Variants in PTPRK observed in about 807,000 individuals in gnomAD.
PTPRK encodes protein tyrosine phosphatase receptor type K.
A neutral mutation model predicts 178.0 loss-of-function variants in PTPRK; 75 were observed. The ratio of observed to expected loss-of-function variants is 0.42; its 90% confidence interval spans 0.35 to 0.51. The LOEUF (loss-of-function observed/expected upper bound fraction) is 0.51, where lower values mean the gene tolerates loss of function less well. Ranked by LOEUF, PTPRK falls within the 20% of genes least tolerant of loss-of-function variation. The probability of loss-of-function intolerance (pLI) is 0.02; values close to 1 mark genes in which losing one functional copy is unlikely to be tolerated. For synonymous variants in PTPRK, 637 were observed against 620.6 expected (o/e 1.03, Z -0.39); for missense variants, 1,441 against 1,797.8 (o/e 0.80, Z 3.59).
intron 13 of PTPRK, among the ~76,000 whole-genome samples, chr6:128,030,099 T>A (rs1775058164): frequency 6.6e-6 from 1 of 152,108 alleles, no homozygotes; most frequent in Non-Finnish European, 1.5e-5. Flanking sequence ...CTTTTTGTAT[T>A]CCCCATGTCA....
chr6:128,422,419 G>T (rs181811517), intron 1 of PTPRK, among the ~76,000 whole-genome samples: 1 of 152,206 alleles, frequency 6.6e-6, no homozygotes, highest in South Asian at 2.1e-4. Context: ...TATCATTGGG[G>T]TCTGTGTCAC....
At chr6:128,016,394 T>C (rs753287031) in intron 13 of PTPRK, among the ~76,000 whole-genome samples, 2 of 151,876 alleles carry the variant, frequency 1.3e-5, no homozygotes, top group Non-Finnish European at 2.9e-5. Flanking sequence ...GTGTCCCTTA[T>C]CTTCGGAAAG....
chr6:128,389,518 T>C (rs1266644042), intron 2 of PTPRK, among the ~76,000 whole-genome samples: 1 of 151,634 alleles, frequency 6.6e-6, no homozygotes, highest in Non-Finnish European at 1.5e-5. Flanking sequence ...CTACCTATCT[T>C]GAGTCAAGTT....
rs773979573 is a variant in PTPRK, at chr6:128,242,602, C to T, written c.496G>A (p.Val166Ile). 6.8e-6 allele frequency: 11 copies of T among 1,611,198 alleles called. No homozygotes were observed. Among genetic ancestry groups the T allele is most frequent in the Admixed American group, 5.0e-5 (3 of 59,750 alleles). Residue 166 changes from valine (V) to isoleucine (I), a missense_variant and splice_region_variant, in exon 4 of 30, where the codon GTA becomes ATA. Physicochemically the swap from Val to Ile is conservative, Grantham distance 29. Transcript: ENST00000368226. The part of the protein sequence containing the change: ...VSTFWPNEYQ[V>I]IFEAEVSGGR... ...CCTGAGACTTCAGCTTCAAATATTA[C>T]CTGTCAAAAAGAAACAGAAAATATT...
At chr6:128,476,455 T>C (rs773365504) in intron 1 of PTPRK, among the ~76,000 whole-genome samples, 102 of 152,172 alleles carry the variant, frequency 6.7e-4, no homozygotes, top group Admixed American at 3.9e-3. Flanking sequence ...ATGTTCAGAA[T>C]GTGTTGTGTG....
At chr6:128,000,910 C>A (rs1182519608) in intron 15 of PTPRK, among the ~76,000 whole-genome samples, 1 of 151,928 alleles carries the variant, frequency 6.6e-6, no homozygotes, top group Non-Finnish European at 1.5e-5. Flanking sequence ...CAGAATTCAC[C>A]CATATTCCAA....
At chr6:128,217,279 G>A (rs990632846) in intron 6 of PTPRK, among the ~76,000 whole-genome samples, 4 of 152,304 alleles carry the variant, frequency 2.6e-5, no homozygotes, top group East Asian at 3.9e-4. Context: ...AACTTGTGCA[G>A]GTGATATGAG....
intron 1 of PTPRK, among the ~76,000 whole-genome samples, chr6:128,513,419 G>A (rs1857454260): frequency 6.7e-6 from 1 of 150,368 alleles, no homozygotes; most frequent in African/African-American, 2.4e-5. Context: ...GGAGGCAGAA[G>A]TTTCAGTGAG....
At chr6:128,234,601 T>C (rs1204090847) in intron 5 of PTPRK, among the ~76,000 whole-genome samples, 2 of 152,246 alleles carry the variant, frequency 1.3e-5, no homozygotes, top group Non-Finnish European at 2.9e-5. Context: ...GTGTCTGTCC[T>C]CTTTCCAAAA....
intron 3 of PTPRK, among the ~76,000 whole-genome samples, chr6:128,304,665 T>A (rs1349252968): frequency 1.3e-5 from 2 of 152,188 alleles, no homozygotes; most frequent in Non-Finnish European, 2.9e-5. Flanking sequence ...TAACGATGAT[T>A]ACCTGTTTAA....
At position 128,408,343 on chromosome 6, in the gene PTPRK, G is replaced by A. The variant is rs183922778; in HGVS notation, c.101-10655C>T. 4.8e-3 allele frequency among the ~76,000 whole-genome samples: 724 copies of A among 152,250 alleles called. 2 individuals are homozygous for A. Among genetic ancestry groups the A allele is most frequent in the Non-Finnish European group, 8.2e-3 (557 of 68,022 alleles). On this transcript the variant is annotated intron_variant, in intron 1 of 29. Coordinates refer to ENST00000368226, the MANE Select transcript of PTPRK (RefSeq NM_002844.4). ...GCGGAGGTTACAGTGAGCCGAGATCGTGCCATTGCACTCCAGCCTGAGCGA... is the reference window on the plus strand; with the variant it reads ...GCGGAGGTTACAGTGAGCCGAGATCATGCCATTGCACTCCAGCCTGAGCGA...
In PTPRK at chr6:128,464,636, C is replaced by T. The variant is rs9482882; in HGVS notation, c.100+55623G>A. ...ATACATATACATATATATATATATA[C>T]ACATATATATATATATATATATATA... On this transcript the variant is annotated intron_variant, in intron 1 of 29. Coordinates refer to ENST00000368226, the MANE Select transcript of PTPRK (RefSeq NM_002844.4). 7.6e-3 allele frequency among the ~76,000 whole-genome samples: 309 copies of T among 40,618 alleles called. 3 individuals are homozygous for T. In the South Asian group the frequency reaches 0.076, roughly 10 times the overall value. The allele number at this position is 40,618 out of a possible 152,430, so 26.6% of individuals were successfully genotyped here.
chr6:128,325,432 A>C (rs1011890598), intron 2 of PTPRK, among the ~76,000 whole-genome samples: 2 of 152,326 alleles, frequency 1.3e-5, no homozygotes, highest in Admixed American at 1.3e-4. Context: ...CCATTTGACA[A>C]GGGAATAATA....
chr6:128,123,980 T>C (rs1287611471), intron 7 of PTPRK, among the ~76,000 whole-genome samples: 1 of 152,048 alleles, frequency 6.6e-6, no homozygotes, highest in African/African-American at 2.4e-5. Context: ...CTTCACTACC[T>C]GGCTGAAGTA....
At chr6:128,309,852 C>T (rs1826971537) in intron 3 of PTPRK, among the ~76,000 whole-genome samples, 1 of 151,880 alleles carries the variant, frequency 6.6e-6, no homozygotes. Flanking sequence ...CCAGTTCACT[C>T]CCTCCCAACA....
chr6:128,350,790 A>G (rs1357933431), intron 2 of PTPRK, among the ~76,000 whole-genome samples: 1 of 152,198 alleles, frequency 6.6e-6, no homozygotes, highest in Non-Finnish European at 1.5e-5. Flanking sequence ...AAGCAAGCTT[A>G]TATTACCTGT....
At chr6:128,383,673 C>A (rs1158040420) in intron 2 of PTPRK, among the ~76,000 whole-genome samples, 1 of 152,106 alleles carries the variant, frequency 6.6e-6, no homozygotes, top group African/African-American at 2.4e-5. Context: ...TATCATAGGT[C>A]TATGTGCCAA....
intron 7 of PTPRK, among the ~76,000 whole-genome samples, chr6:128,155,728 T>C (rs1027521281): frequency 6.6e-6 from 1 of 151,774 alleles, no homozygotes. Flanking sequence ...GACTGGCTAG[T>C]GGTAGTGATT....
intron 3 of PTPRK, among the ~76,000 whole-genome samples, chr6:128,273,847 C>T (rs1443112303): frequency 6.6e-6 from 1 of 152,136 alleles, no homozygotes; most frequent in Non-Finnish European, 1.5e-5. Context: ...ATTTTACATG[C>T]TTTCTCCTCA....
Sources: allele counts gnomAD v4.1 joint callset (sites outside exome capture counted in the v4.1 genomes callset), GRCh38; gene constraint gnomAD v4.1.1; transcripts MANE v1.5; gene names NCBI Gene and HGNC (gene_info 2026-07-23, HGNC 2026-07-21).